Variants in DAB1 observed in about 807,000 individuals in gnomAD.
DAB1 encodes DAB adaptor protein 1.
DAB1 carries 15 observed loss-of-function variants against 64.6 expected under a neutral mutation model. That is an observed-to-expected ratio of 0.23 (90% CI 0.16 to 0.36). The LOEUF is 0.36. DAB1 is among the 10% of genes least tolerant of loss of function. DAB1 has a pLI of 1.00. For missense variants in DAB1, 596 were observed against 706.7 expected, an observed-to-expected ratio of 0.84 and a Z score of 1.78; for synonymous variants, 235 against 251.9, an observed-to-expected ratio of 0.93 and a Z score of 0.64.
intron 2 of DAB1, among the ~76,000 whole-genome samples, chr1:57,213,717 G>A (rs975416328): frequency 1.1e-4 from 17 of 152,094 alleles, no homozygotes; most frequent in African/African-American, 4.1e-4. Flanking sequence ...AACCTCTTTC[G>A]GACCCTGTTG....
At chr1:57,235,750 C>T (rs1569999084) in intron 2 of DAB1, among the ~76,000 whole-genome samples, 1 of 151,300 alleles carries the variant, frequency 6.6e-6, no homozygotes, top group East Asian at 1.9e-4. Context: ...GGTTGAATCA[C>T]ATCTGTTGCA....
intron 3 of DAB1, among the ~76,000 whole-genome samples, chr1:58,449,713 G>T (rs1645111585): frequency 6.6e-6 from 1 of 150,904 alleles, no homozygotes; most frequent in Non-Finnish European, 1.5e-5. Context: ...ACCCCACGTT[G>T]ACTTGTCCCC....
At position 57,840,180 on chromosome 1, in the gene DAB1, C is replaced by T. The variant is rs539773544; in HGVS notation, n.88-13725G>A. Among the ~76,000 whole-genome samples, 10 of 152,100 alleles carry T rather than the reference C, an allele frequency of 6.6e-5. No homozygotes were observed. In the South Asian group the frequency reaches 2.1e-3, roughly 32 times the overall value. On this transcript the variant is annotated intron_variant and non_coding_transcript_variant, in intron 1 of 1. Coordinates refer to the DAB1 transcript ENST00000477280. ...ATGCATTTTGTGGGTGATGCTGAAG[C>T]CACATAGAAATGTTAGAAGGGAGCT...
intron 2 of DAB1, among the ~76,000 whole-genome samples, chr1:57,171,729 G>A (rs1661787766): frequency 6.6e-6 from 1 of 152,174 alleles, no homozygotes; most frequent in South Asian, 2.1e-4. Context: ...GAAATAGGAT[G>A]TGTTATACAC....
chr1:57,273,560 T>TTCCTTCCTTCCTTCCTTCCA (rs1671195400), intron 2 of DAB1, among the ~76,000 whole-genome samples: 2 of 48,824 alleles, frequency 4.1e-5, no homozygotes, highest in Admixed American at 2.8e-4. Context: ...CCTGCCTTCC[T>TTCCTTCCTTCCTTCCTTCCA]TCCTTCCTTC....
chr1:57,856,023 T>A (rs1230155571), intron 1 of DAB1, among the ~76,000 whole-genome samples: 1 of 152,140 alleles, frequency 6.6e-6, no homozygotes, highest in African/African-American at 2.4e-5. Flanking sequence ...CAGATAAATA[T>A]ACGATGTGAA....
intron 3 of DAB1, among the ~76,000 whole-genome samples, chr1:58,457,157 T>G (rs1645199806): frequency 3.3e-5 from 5 of 152,222 alleles, no homozygotes; most frequent in Admixed American, 3.3e-4. Context: ...GGAAGTGAAC[T>G]GTCAGAGGTC....
intron 5 of DAB1, among the ~76,000 whole-genome samples, chr1:57,968,327 G>A (rs1354176444): frequency 2.0e-5 from 3 of 152,124 alleles, no homozygotes; most frequent in African/African-American, 7.2e-5. Flanking sequence ...AATTAGCTGT[G>A]AACCGCAGGG....
chr1:57,953,164 A>C (rs1236158469), intron 5 of DAB1, among the ~76,000 whole-genome samples: 1 of 152,202 alleles, frequency 6.6e-6, no homozygotes, highest in Non-Finnish European at 1.5e-5. Context: ...GCCATGGGCA[A>C]ACAAGTTTCC....
At chr1:57,947,934 T>C (rs1645207847) in intron 5 of DAB1, among the ~76,000 whole-genome samples, 1 of 152,222 alleles carries the variant, frequency 6.6e-6, no homozygotes, top group Non-Finnish European at 1.5e-5. Flanking sequence ...TTGCAGAGCA[T>C]GCAAGGCCTT....
At chr1:57,550,666 C>G (rs1169820783) in intron 7 of DAB1, among the ~76,000 whole-genome samples, 2 of 152,146 alleles carry the variant, frequency 1.3e-5, no homozygotes, top group African/African-American at 4.8e-5. Context: ...TTTAGCTCCT[C>G]CACAGCTTTC....
At chr1:57,025,918 A>C in intron 10 of DAB1, 63 bp downstream of exon 10, 1 of 1,341,078 alleles carries the variant, frequency 7.5e-7, no homozygotes, top group Non-Finnish European at 1.0e-6. Flanking sequence ...TATTCTGGCC[A>C]CTGAGGGGAT....
At chr1:57,454,342 A>T (rs1447563722) in intron 7 of DAB1, among the ~76,000 whole-genome samples, 1 of 152,170 alleles carries the variant, frequency 6.6e-6, no homozygotes, top group Non-Finnish European at 1.5e-5. Flanking sequence ...GAATGAGATC[A>T]TGTCTTCTGT....
intron 1 of DAB1, among the ~76,000 whole-genome samples, chr1:57,357,039 A>G (rs1679165904): frequency 6.6e-6 from 1 of 152,076 alleles, no homozygotes; most frequent in Admixed American, 6.6e-5. Context: ...AACTAAGTTC[A>G]TCCTGTGAAG....
intron 4 of DAB1, among the ~76,000 whole-genome samples, chr1:57,082,940 T>C (rs1652695092): frequency 6.6e-6 from 1 of 152,136 alleles, no homozygotes; most frequent in Non-Finnish European, 1.5e-5. Flanking sequence ...ATGGAAACAA[T>C]TTGTACTCCT....
intron 5 of DAB1, among the ~76,000 whole-genome samples, chr1:58,029,118 C>G (rs1646936340): frequency 6.6e-6 from 1 of 152,134 alleles, no homozygotes; most frequent in African/African-American, 2.4e-5. Flanking sequence ...CTAAGACCAA[C>G]TATAATGAAC....
At position 57,176,970 on chromosome 1, in the gene DAB1, T is replaced by TA. The variant is rs146465598; in HGVS notation, c.68-31542dup. 7.7e-4 allele frequency among the ~76,000 whole-genome samples: 47 copies of TA among 61,046 alleles called. 2 individuals carry two copies. Among genetic ancestry groups the TA allele is most frequent in the Non-Finnish European group, 1.7e-3 (36 of 21,716 alleles). The allele number at this position is 61,046 out of a possible 152,430, so 40.0% of individuals were successfully genotyped here. A position where few individuals can be genotyped will look rare whatever the true frequency, so the allele number is the denominator to read the frequency against. Reference sequence around the variant, plus strand: ...GATAAAAAAAAGAAGCAGCAGCAGATATAAAAAAAAAAAAAAAAAAAAGCC... The same window carrying TA: ...GATAAAAAAAAGAAGCAGCAGCAGATAATAAAAAAAAAAAAAAAAAAAAGCC... On this transcript the variant is annotated intron_variant, in intron 2 of 14. Coordinates refer to ENST00000371236, the MANE Select transcript of DAB1 (RefSeq NM_001365792.1).
At chr1:58,132,899 TTAGTGTTAGCTAACCCTTTAA>T (rs1653718070) in intron 5 of DAB1, among the ~76,000 whole-genome samples, 3 of 152,178 alleles carry the variant, frequency 2.0e-5, no homozygotes, top group Admixed American at 6.5e-5. Context: ...GATATCTGTG[TTAGTGTTAGCTAACCCTTTAA>T]TAGTGTTAAC....
intron 1 of DAB1, chr1:58,536,549 T>C (rs7537470): frequency 0.12 from 102,275 of 872,582 alleles, 6,385 homozygotes; most frequent in African/African-American, 0.19. Flanking sequence ...GTCTGAACTG[T>C]TCTTTCCCCA....
Sources: allele counts gnomAD v4.1 joint callset (sites outside exome capture counted in the v4.1 genomes callset), GRCh38; gene constraint gnomAD v4.1.1; transcripts MANE v1.5; gene names NCBI Gene and HGNC (gene_info 2026-07-23, HGNC 2026-07-21).